The following TENM3 variants were observed in gnomAD, a reference collection of about 807,000 sequenced individuals.
TENM3 encodes the protein teneurin transmembrane protein 3, also known as teneurin-3.
A neutral mutation model predicts 255.1 loss-of-function variants in TENM3; 63 were observed. The ratio of observed to expected loss-of-function variants is 0.25; its 90% confidence interval spans 0.20 to 0.30. TENM3 has a LOEUF of 0.30. Among genes scored for constraint, TENM3 ranks in the 10% least tolerant of loss-of-function variants. The pLI is 1.00. For synonymous variants in TENM3, 1,306 were observed against 1,322.3 expected, an observed-to-expected ratio of 0.99 and a Z score of 0.27; for missense variants, 2,929 against 3,461.1, an observed-to-expected ratio of 0.85 and a Z score of 3.86.
the TENM3 span, among the ~76,000 whole-genome samples, chr4:181,630,460 A>T: frequency 5.9e-5 from 9 of 151,790 alleles, no homozygotes; most frequent in African/African-American, 2.2e-4. Context: ...TTTCCTGCTT[A>T]CTCTTGTGGG....
the TENM3 span, among the ~76,000 whole-genome samples, chr4:181,551,844 G>A: frequency 0.16 from 495 of 3,096 alleles, 2 homozygotes; most frequent in East Asian, 0.29. Flanking sequence ...GTATATGTGT[G>A]TGTGTGTGTG....
At chr4:182,017,912 A>G in the TENM3 span, among the ~76,000 whole-genome samples, 1 of 152,218 alleles carries the variant, frequency 6.6e-6, no homozygotes, top group Admixed American at 6.5e-5. Flanking sequence ...GAGGGACAGA[A>G]AACAGAACAA....
intron 3 of TENM3, among the ~76,000 whole-genome samples, chr4:182,421,862 A>G (rs1472267321): frequency 6.6e-6 from 1 of 152,184 alleles, no homozygotes; most frequent in Non-Finnish European, 1.5e-5. Context: ...AGGGGCTGAA[A>G]TGGCCCTTTA....
At chr4:182,281,719 A>G (rs1045189633) in intron 1 of TENM3, among the ~76,000 whole-genome samples, 3 of 152,104 alleles carry the variant, frequency 2.0e-5, no homozygotes, top group African/African-American at 7.2e-5. Flanking sequence ...ATAGTAATAC[A>G]TCATCATTTT....
At chr4:181,585,042 A>T in the TENM3 span, among the ~76,000 whole-genome samples, 1 of 150,960 alleles carries the variant, frequency 6.6e-6, no homozygotes, top group Non-Finnish European at 1.5e-5. Flanking sequence ...TCAATCATCC[A>T]ATTACTTACC....
the TENM3 span, among the ~76,000 whole-genome samples, chr4:181,686,290 C>T: frequency 6.6e-6 from 1 of 152,132 alleles, no homozygotes; most frequent in Admixed American, 6.6e-5. Context: ...TTGAGATGAA[C>T]ATTTTCTTTG....
the TENM3 span, among the ~76,000 whole-genome samples, chr4:181,501,896 C>T: frequency 7.2e-5 from 11 of 152,176 alleles, no homozygotes; most frequent in East Asian, 1.5e-3. Flanking sequence ...CAGGGCGAGC[C>T]GGGACATAAG....
the TENM3 span, among the ~76,000 whole-genome samples, chr4:181,684,287 G>A: frequency 6.6e-6 from 1 of 152,150 alleles, no homozygotes. Flanking sequence ...TCATTTTACA[G>A]ATACAAAAGT....
intron 1 of TENM3, among the ~76,000 whole-genome samples, chr4:182,170,867 A>G (rs894618634): frequency 1.8e-4 from 27 of 152,274 alleles, no homozygotes; most frequent in African/African-American, 5.1e-4. Context: ...TGGTACATAA[A>G]ATATTTTTAA....
chr4:181,936,857 G>C, the TENM3 span, among the ~76,000 whole-genome samples: 1 of 151,922 alleles, frequency 6.6e-6, no homozygotes, highest in African/African-American at 2.4e-5. Flanking sequence ...AATTACCAAG[G>C]CCCCATGCTA....
the TENM3 span, among the ~76,000 whole-genome samples, chr4:181,699,472 AG>A: frequency 1.0e-3 from 139 of 132,936 alleles, 1 homozygote; most frequent in African/African-American, 3.9e-3. Flanking sequence ...AAAAAAAAAA[AG>A]AAAGAAAGAA....
the TENM3 span, among the ~76,000 whole-genome samples, chr4:181,865,409 G>T: frequency 1.3e-5 from 2 of 152,148 alleles, no homozygotes; most frequent in Non-Finnish European, 2.9e-5. Context: ...CCCTTCAGGG[G>T]ACAAAGGGAC....
the TENM3 span, among the ~76,000 whole-genome samples, chr4:181,775,909 T>G: frequency 1.3e-5 from 2 of 152,170 alleles, no homozygotes; most frequent in African/African-American, 4.8e-5. Context: ...TATTTATCAT[T>G]TTTACGTGTT....
At chr4:182,100,924 G>A in the TENM3 span, among the ~76,000 whole-genome samples, 1 of 139,202 alleles carries the variant, frequency 7.2e-6, no homozygotes, top group East Asian at 2.1e-4. Context: ...CACACCTGTA[G>A]TCCCAGCTAC....
chr4:181,714,315 G>T, the TENM3 span, among the ~76,000 whole-genome samples: 849 of 152,226 alleles, frequency 5.6e-3, 6 homozygotes, highest in Non-Finnish European at 8.1e-3. Context: ...GGTGGCACAT[G>T]CCTGTAGTCC....
At chr4:182,705,589 T>C (rs1035907872) in intron 12 of TENM3, among the ~76,000 whole-genome samples, 1 of 152,120 alleles carries the variant, frequency 6.6e-6, no homozygotes, top group Non-Finnish European at 1.5e-5. Context: ...CTACCTGACG[T>C]CTATATAACC....
the TENM3 span, among the ~76,000 whole-genome samples, chr4:181,811,168 G>C: frequency 3.7e-3 from 567 of 152,248 alleles, 5 homozygotes; most frequent in African/African-American, 0.013. Context: ...GAATATTTTA[G>C]AGGCAGCAGC....
chr4:181,685,398 A>G, the TENM3 span, among the ~76,000 whole-genome samples: 1 of 152,164 alleles, frequency 6.6e-6, no homozygotes, highest in Non-Finnish European at 1.5e-5. Flanking sequence ...AAGAGATGGC[A>G]TTGTATGTTA....
intron 1 of TENM3, among the ~76,000 whole-genome samples, chr4:182,189,914 A>G (rs574879660): frequency 4.6e-5 from 7 of 152,334 alleles, no homozygotes; most frequent in Non-Finnish European, 1.0e-4. Flanking sequence ...ATCTTTGAAA[A>G]TACAATTTTG....
Sources: allele counts gnomAD v4.1 joint callset (sites outside exome capture counted in the v4.1 genomes callset), GRCh38; gene constraint gnomAD v4.1.1; transcripts MANE v1.5; gene names NCBI Gene and HGNC (gene_info 2026-07-23, HGNC 2026-07-21).